POU2AF2: variants seen among roughly 807,000 people sequenced by gnomAD.
The protein encoded by POU2AF2 is POU domain class 2-associating factor 2.
At chr11:111,249,649 G>T in the POU2AF2 span, among the ~76,000 whole-genome samples, 5 of 151,976 alleles carry the variant, frequency 3.3e-5, no homozygotes, top group African/African-American at 4.8e-5. Flanking sequence ...TCTTACCTTC[G>T]TTTTCCTCAA....
the POU2AF2 span, among the ~76,000 whole-genome samples, chr11:111,270,414 C>T: frequency 6.6e-6 from 1 of 152,170 alleles, no homozygotes; most frequent in Non-Finnish European, 1.5e-5. Flanking sequence ...TAACATAGCC[C>T]TTACTGTCAC....
chr11:111,264,969 GAAGA>G, the POU2AF2 span, among the ~76,000 whole-genome samples: 1 of 150,988 alleles, frequency 6.6e-6, no homozygotes, highest in Admixed American at 6.6e-5. Flanking sequence ...AGGAAGGAAG[GAAGA>G]AAGGAAGGGA....
chr11:111,269,754 G>A, the POU2AF2 span, among the ~76,000 whole-genome samples: 1 of 152,244 alleles, frequency 6.6e-6, no homozygotes, highest in Non-Finnish European at 1.5e-5. Context: ...GGTAAAAAAT[G>A]TGTTTCATTT....
chr11:111,271,502 G>T, the POU2AF2 span, among the ~76,000 whole-genome samples: 75 of 152,056 alleles, frequency 4.9e-4, no homozygotes, highest in African/African-American at 1.7e-3. Context: ...GCTCACTGCA[G>T]CCTTGACCTT....
At chr11:111,280,057 A>AAAAATATATATATATATATATAT in the POU2AF2 span, among the ~76,000 whole-genome samples, 4 of 76,474 alleles carry the variant, frequency 5.2e-5, no homozygotes, top group Non-Finnish European at 7.6e-5. Flanking sequence ...AAAAAAAAAA[A>AAAAATATATATATATATATATAT]ATATATATAT....
the POU2AF2 span, among the ~76,000 whole-genome samples, chr11:111,274,185 G>A: frequency 6.6e-6 from 1 of 152,076 alleles, no homozygotes; most frequent in East Asian, 1.9e-4. Flanking sequence ...AGAAGCAAGT[G>A]GTAGCTCTGA....
the POU2AF2 span, among the ~76,000 whole-genome samples, chr11:111,276,456 A>ATATATATATG: frequency 2.7e-5 from 1 of 36,578 alleles, no homozygotes; most frequent in Non-Finnish European, 6.3e-5. Flanking sequence ...AAAAAAAAAT[A>ATATATATATG]TATATATATA....
chr11:111,278,547 T>C, the POU2AF2 span, among the ~76,000 whole-genome samples: 2 of 118,906 alleles, frequency 1.7e-5, no homozygotes, highest in Admixed American at 9.1e-5. Context: ...AGAGATGATC[T>C]CTCTCTCTGT....
chr11:111,264,571 A>G, the POU2AF2 span, among the ~76,000 whole-genome samples: 129 of 38,652 alleles, frequency 3.3e-3, 15 homozygotes, highest in African/African-American at 0.011. Flanking sequence ...AAAGAAAGAA[A>G]GAAAGGGAGA....
the POU2AF2 span, chr11:111,281,379 A>G: frequency 6.3e-7 from 1 of 1,594,496 alleles, no homozygotes; most frequent in South Asian, 1.1e-5. Context: ...AAAACACTTG[A>G]ATTCTGTTTA....
chr11:111,252,342 C>T, the POU2AF2 span, among the ~76,000 whole-genome samples: 1 of 152,134 alleles, frequency 6.6e-6, no homozygotes, highest in Admixed American at 6.5e-5. Context: ...CTAGGCCCCA[C>T]CCTAGGGTTT....
the POU2AF2 span, among the ~76,000 whole-genome samples, chr11:111,251,151 A>G: frequency 2.6e-5 from 4 of 152,190 alleles, no homozygotes; most frequent in South Asian, 8.3e-4. Context: ...AATCTACATT[A>G]CTGTAGAAAT....
At chr11:111,266,199 T>C in the POU2AF2 span, among the ~76,000 whole-genome samples, 3 of 152,192 alleles carry the variant, frequency 2.0e-5, no homozygotes, top group African/African-American at 7.2e-5. Context: ...TGATGTGACT[T>C]TCTGAAGCCT....
chr11:111,285,882 C>T, the POU2AF2 span: 1 of 1,611,662 alleles, frequency 6.2e-7, no homozygotes, highest in African/African-American at 1.3e-5. Context: ...CCTACCCCGC[C>T]TCCTTACCCC....
chr11:111,284,420 G>A, the POU2AF2 span: 5 of 1,532,454 alleles, frequency 3.3e-6, no homozygotes, highest in African/African-American at 1.4e-5. Flanking sequence ...AAAGAGGGGC[G>A]AGGCTCGCCC....
chr11:111,263,420 T>C, the POU2AF2 span, among the ~76,000 whole-genome samples: 10 of 148,496 alleles, frequency 6.7e-5, no homozygotes, highest in Admixed American at 3.4e-4. Context: ...TCAGGTTTAC[T>C]GAAGTTCTTT....
chr11:111,282,663 A>G, the POU2AF2 span, among the ~76,000 whole-genome samples: 2 of 152,244 alleles, frequency 1.3e-5, no homozygotes, highest in East Asian at 3.8e-4. Context: ...AAAGTGCCAC[A>G]TCCTGTGGAA....
chr11:111,283,362 T>G, the POU2AF2 span, among the ~76,000 whole-genome samples: 4 of 151,928 alleles, frequency 2.6e-5, no homozygotes, highest in Non-Finnish European at 1.5e-5. Flanking sequence ...CAAGGGAAAC[T>G]TTATGTAGCC....
chr11:111,259,309 CTT>C, the POU2AF2 span, among the ~76,000 whole-genome samples: 24 of 129,956 alleles, frequency 1.8e-4, no homozygotes, highest in Middle Eastern at 4.0e-3. Context: ...TTCCACATTC[CTT>C]TTTTTTTTTT....
Sources: allele counts gnomAD v4.1 joint callset (sites outside exome capture counted in the v4.1 genomes callset), GRCh38; gene constraint gnomAD v4.1.1; transcripts MANE v1.5; gene names NCBI Gene and HGNC (gene_info 2026-07-23, HGNC 2026-07-21).